The following ATP8A2 variants were observed in gnomAD, a reference collection of about 807,000 sequenced individuals.
ATP8A2 encodes the protein phospholipid-transporting ATPase IB.
In ATP8A2, 100 loss-of-function variants were observed where a neutral mutation model predicts 165.6. The ratio of observed to expected loss-of-function variants is 0.60; its 90% CI spans 0.51 to 0.71. The LOEUF is 0.71. Ranked by LOEUF, ATP8A2 falls within the 30% of genes least tolerant of loss-of-function variation. The probability of loss-of-function intolerance (pLI) is 0.00; values close to 1 mark genes in which losing one functional copy is unlikely to be tolerated. For missense variants in ATP8A2, 1,227 were observed against 1,479.5 expected, an observed-to-expected ratio of 0.83 and a Z score of 2.80; for synonymous variants, 543 against 548.8, an observed-to-expected ratio of 0.99 and a Z score of 0.15.
intron 33 of ATP8A2, among the ~76,000 whole-genome samples, chr13:25,930,462 ACT>A (rs772081863): frequency 9.9e-5 from 15 of 150,856 alleles, no homozygotes; most frequent in Non-Finnish European, 1.0e-4. Flanking sequence ...AGCTCCCCAA[ACT>A]CTCTTGCCAA....
chr13:25,636,898 G>C (rs746260391), intron 24 of ATP8A2, among the ~76,000 whole-genome samples: 15 of 151,938 alleles, frequency 9.9e-5, no homozygotes, highest in Admixed American at 2.0e-4. Context: ...TTTGAGACCA[G>C]CCTGGGCAAC....
In ATP8A2 at chr13:25,946,273, G is replaced by A. The variant is rs920713476; in HGVS notation, c.3184-15302G>A. On this transcript the variant is annotated intron_variant, in intron 33 of 36. Transcript: ENST00000381655. ...AGGAGGCCAATGGCCATGTCCCCAC[G>A]GGGACATCTCTCTCCTCCTGAGAGT... Among the ~76,000 whole-genome samples the A allele has an allele frequency of 1.6e-4, 25 of 152,150 alleles. No homozygotes were observed. The Middle Eastern group carries it at 0.01, about 62-fold the overall frequency.
At chr13:25,642,993 CATAG>C (rs996304276) in intron 24 of ATP8A2, among the ~76,000 whole-genome samples, 3 of 151,896 alleles carry the variant, frequency 2.0e-5, no homozygotes, top group African/African-American at 7.3e-5. Context: ...TGTACTCACT[CATAG>C]GTGGGAATTG....
intron 25 of ATP8A2, among the ~76,000 whole-genome samples, chr13:25,753,675 C>A (rs2044202090): frequency 1.3e-5 from 2 of 152,192 alleles, no homozygotes; most frequent in South Asian, 4.1e-4. Flanking sequence ...TTCCCAGCTT[C>A]TCTCTTGGAG....
chr13:25,902,524 C>G (rs1029351320), intron 33 of ATP8A2, among the ~76,000 whole-genome samples: 2 of 151,260 alleles, frequency 1.3e-5, no homozygotes, highest in African/African-American at 4.9e-5. Flanking sequence ...ACAGTTATAT[C>G]TATTCATGTG....
intron 24 of ATP8A2, among the ~76,000 whole-genome samples, chr13:25,590,746 A>G (rs1003194911): frequency 6.6e-6 from 1 of 152,172 alleles, no homozygotes; most frequent in African/African-American, 2.4e-5. Context: ...TTACTCTTTT[A>G]AAGGGAGGCA....
At chr13:25,390,098 G>A (rs1037860735) in intron 1 of ATP8A2, among the ~76,000 whole-genome samples, 1 of 152,132 alleles carries the variant, frequency 6.6e-6, no homozygotes, top group Non-Finnish European at 1.5e-5. Context: ...AGGTTCAAAC[G>A]ATTCTCCTAC....
chr13:25,890,958 A>G (rs1953342039), intron 33 of ATP8A2, among the ~76,000 whole-genome samples: 1 of 152,130 alleles, frequency 6.6e-6, no homozygotes, highest in Admixed American at 6.5e-5. Flanking sequence ...TCTGAAATTG[A>G]GGGTCTGTGA....
chr13:25,772,604 A>G (rs1483383393), intron 26 of ATP8A2, among the ~76,000 whole-genome samples: 1 of 152,004 alleles, frequency 6.6e-6, no homozygotes, highest in Non-Finnish European at 1.5e-5. Context: ...CTGGGACTCC[A>G]CCTAGGATGG....
At chr13:25,482,800 T>C (rs1370857380) in intron 2 of ATP8A2, among the ~76,000 whole-genome samples, 3 of 152,234 alleles carry the variant, frequency 2.0e-5, no homozygotes, top group Non-Finnish European at 4.4e-5. Flanking sequence ...CATTCTCTCT[T>C]TGCCTGCTGC....
chr13:25,513,775 C>T (rs554193038), intron 2 of ATP8A2, among the ~76,000 whole-genome samples: 31 of 152,176 alleles, frequency 2.0e-4, no homozygotes, highest in Non-Finnish European at 4.0e-4. Flanking sequence ...GGCAACACAG[C>T]GAAACCCCGT....
At chr13:25,779,309 C>T (rs1184388337) in intron 27 of ATP8A2, among the ~76,000 whole-genome samples, 1 of 146,954 alleles carries the variant, frequency 6.8e-6, no homozygotes, top group Non-Finnish European at 1.5e-5. Flanking sequence ...GCCAGATGGA[C>T]CATATTTCTC....
intron 33 of ATP8A2, among the ~76,000 whole-genome samples, chr13:25,877,847 G>T (rs1252596669): frequency 2.0e-5 from 3 of 152,170 alleles, no homozygotes; most frequent in Admixed American, 2.0e-4. Flanking sequence ...TGTTCATTAA[G>T]GACAATACTT....
At chr13:25,522,132 T>C (rs2037691558) in intron 2 of ATP8A2, among the ~76,000 whole-genome samples, 2 of 152,220 alleles carry the variant, frequency 1.3e-5, no homozygotes, top group African/African-American at 2.4e-5. Flanking sequence ...TGGTGTCCTC[T>C]TCAATTTATT....
intron 30 of ATP8A2, among the ~76,000 whole-genome samples, chr13:25,851,924 C>T (rs942932354): frequency 6.6e-6 from 1 of 152,078 alleles, no homozygotes; most frequent in Non-Finnish European, 1.5e-5. Context: ...ATGATCATAA[C>T]CTCAAACTCT....
intron 25 of ATP8A2, among the ~76,000 whole-genome samples, chr13:25,725,216 C>G (rs2043467207): frequency 6.6e-6 from 1 of 152,258 alleles, no homozygotes; most frequent in Admixed American, 6.5e-5. Context: ...CTTCCAGTTT[C>G]TCTTAATCAT....
intron 34 of ATP8A2, among the ~76,000 whole-genome samples, chr13:25,968,012 G>C (rs990528522): frequency 6.6e-6 from 1 of 152,164 alleles, no homozygotes; most frequent in Non-Finnish European, 1.5e-5. Flanking sequence ...CTGCACTCTG[G>C]ATTTGTGTTG....
At chr13:25,800,950 G>A (rs746321729) in intron 27 of ATP8A2, among the ~76,000 whole-genome samples, 5 of 152,144 alleles carry the variant, frequency 3.3e-5, no homozygotes, top group East Asian at 1.9e-4. Flanking sequence ...TTTCAGGGTC[G>A]AGAATTTCTG....
chr13:25,388,054 C>T (rs1309769291), intron 1 of ATP8A2, among the ~76,000 whole-genome samples: 3 of 64,302 alleles, frequency 4.7e-5, no homozygotes, highest in Non-Finnish European at 6.0e-5. Flanking sequence ...CAGAGTGAGA[C>T]TCCATCTCAA....
Sources: allele counts gnomAD v4.1 joint callset (sites outside exome capture counted in the v4.1 genomes callset), GRCh38; gene constraint gnomAD v4.1.1; transcripts MANE v1.5; gene names NCBI Gene and HGNC (gene_info 2026-07-23, HGNC 2026-07-21).